Variants in FSTL5 observed in about 807,000 individuals in gnomAD.
FSTL5 encodes follistatin like 5.
FSTL5 carries 62 observed loss-of-function variants against 89.1 expected under a neutral mutation model. The observed-to-expected ratio is 0.70, with a 90% CI of 0.57 to 0.86. The LOEUF (loss-of-function observed/expected upper bound fraction) is 0.86, where lower values mean the gene tolerates loss of function less well. FSTL5 is among the 40% of genes least tolerant of loss of function. The probability of loss-of-function intolerance (pLI) is 0.00; values close to 1 mark genes in which losing one functional copy is unlikely to be tolerated. For missense variants in FSTL5, 1,057 were observed against 1,001.6 expected, an observed-to-expected ratio of 1.06 and a Z score of -0.75; for synonymous variants, 383 against 346.2, an observed-to-expected ratio of 1.11 and a Z score of -1.18.
chr4:161,845,814 G>A (rs377142002), intron 4 of FSTL5, among the ~76,000 whole-genome samples: 5 of 152,184 alleles, frequency 3.3e-5, no homozygotes, highest in African/African-American at 7.2e-5. Flanking sequence ...GGGAGGCCAA[G>A]GTGGGAGGGT....
At chr4:161,948,527 C>T (rs1352944668) in intron 3 of FSTL5, among the ~76,000 whole-genome samples, 1 of 127,560 alleles carries the variant, frequency 7.8e-6, no homozygotes, top group African/African-American at 3.0e-5. Context: ...CACTTTGTCA[C>T]CCAGGCTGGA....
intron 6 of FSTL5, among the ~76,000 whole-genome samples, chr4:161,715,498 A>G (rs906118045): frequency 1.3e-5 from 2 of 152,140 alleles, no homozygotes; most frequent in African/African-American, 4.8e-5. Context: ...ACTTTTAGAC[A>G]GTGGAGAGAA....
chr4:161,794,295 T>C (rs1729562888), intron 4 of FSTL5, among the ~76,000 whole-genome samples: 1 of 152,144 alleles, frequency 6.6e-6, no homozygotes, highest in Admixed American at 6.5e-5. Flanking sequence ...AGACTTTAAA[T>C]ATGTTGACTC....
chr4:161,956,624 T>G, intron 3 of FSTL5, among the ~76,000 whole-genome samples: 1 of 151,920 alleles, frequency 6.6e-6, no homozygotes, highest in Non-Finnish European at 1.5e-5. Flanking sequence ...ATAAATGATT[T>G]TTACAAACAA....
chr4:162,086,627 C>G (rs1403926039), intron 2 of FSTL5, among the ~76,000 whole-genome samples: 2 of 151,776 alleles, frequency 1.3e-5, no homozygotes, highest in Non-Finnish European at 1.5e-5. Flanking sequence ...TAGTTTATTT[C>G]AAGTGTACTT....
intron 15 of FSTL5, among the ~76,000 whole-genome samples, chr4:161,390,471 T>A (rs763873960): frequency 7.9e-5 from 12 of 152,074 alleles, no homozygotes; most frequent in Non-Finnish European, 1.6e-4. Flanking sequence ...GGTCTTCACA[T>A]CCCCAAAAGC....
At chr4:161,459,157 A>T in intron 14 of FSTL5, 55 bp downstream of exon 14, 1 of 1,048,604 alleles carries the variant, frequency 9.5e-7, no homozygotes, top group South Asian at 1.3e-5. Context: ...TATCCAATAA[A>T]ATGTTGAAAG....
intron 1 of FSTL5, among the ~76,000 whole-genome samples, chr4:162,146,190 A>T (rs1280364842): frequency 6.6e-6 from 1 of 152,124 alleles, no homozygotes; most frequent in Non-Finnish European, 1.5e-5. Context: ...TTGAATGGAG[A>T]TATCTATGTA....
At chr4:161,643,731 G>C (rs929478232) in intron 7 of FSTL5, among the ~76,000 whole-genome samples, 3 of 152,132 alleles carry the variant, frequency 2.0e-5, no homozygotes, top group Non-Finnish European at 4.4e-5. Context: ...TGTTATTAAA[G>C]AAATTGAATC....
chr4:161,593,106 T>C (rs561934465), intron 7 of FSTL5, among the ~76,000 whole-genome samples: 1 of 152,294 alleles, frequency 6.6e-6, no homozygotes, highest in South Asian at 2.1e-4. Context: ...TTTTAATGTG[T>C]TGCTCAGTTC....
At chr4:162,060,399 T>C (rs1463081907) in intron 2 of FSTL5, among the ~76,000 whole-genome samples, 1 of 152,114 alleles carries the variant, frequency 6.6e-6, no homozygotes, top group Non-Finnish European at 1.5e-5. Flanking sequence ...TCTAATATAA[T>C]TTTAGAGCAT....
At chr4:162,051,920 TA>T (rs1341964920) in intron 2 of FSTL5, among the ~76,000 whole-genome samples, 11 of 151,104 alleles carry the variant, frequency 7.3e-5, no homozygotes, top group Non-Finnish European at 1.5e-4. Context: ...TGCAAGATAG[TA>T]ACAACATTAG....
chr4:161,725,223 G>C (rs13142469), intron 6 of FSTL5, among the ~76,000 whole-genome samples: 2 of 152,142 alleles, frequency 1.3e-5, no homozygotes, highest in Middle Eastern at 3.4e-3. Context: ...ATTTACTTAA[G>C]TGGCTTGGAA....
At chr4:162,074,444 G>A (rs1195475492) in intron 2 of FSTL5, among the ~76,000 whole-genome samples, 1 of 151,430 alleles carries the variant, frequency 6.6e-6, no homozygotes, top group African/African-American at 2.4e-5. Flanking sequence ...TTCAAAATGG[G>A]ATACCAGTGG....
At chr4:161,576,951 C>A (rs767555975) in intron 8 of FSTL5, among the ~76,000 whole-genome samples, 1 of 152,150 alleles carries the variant, frequency 6.6e-6, no homozygotes, top group South Asian at 2.1e-4. Context: ...ATAGTCTTTT[C>A]TCCATACATA....
At chr4:161,581,106 AG>A (rs995641177) in intron 8 of FSTL5, among the ~76,000 whole-genome samples, 12 of 152,212 alleles carry the variant, frequency 7.9e-5, no homozygotes, top group African/African-American at 2.9e-4. Flanking sequence ...AATATGAAGA[AG>A]GGAAACATAT....
At chr4:161,656,300 T>C in intron 7 of FSTL5, 28 bp downstream of exon 7, 1 of 1,282,190 alleles carries the variant, frequency 7.8e-7, no homozygotes, top group Non-Finnish European at 1.1e-6. Flanking sequence ...ATATATATAT[T>C]ATAAAGCAAC....
chr4:161,555,844 C>A (rs563650985), intron 8 of FSTL5, among the ~76,000 whole-genome samples: 4 of 151,626 alleles, frequency 2.6e-5, no homozygotes, highest in South Asian at 2.1e-4. Flanking sequence ...CAGAGAATGT[C>A]TAAGACTTAA....
intron 7 of FSTL5, among the ~76,000 whole-genome samples, chr4:161,600,120 A>C (rs956016873): frequency 8.6e-5 from 13 of 151,268 alleles, no homozygotes; most frequent in African/African-American, 3.2e-4. Context: ...ATAGCTACAG[A>C]CATCAACATG....
Sources: allele counts gnomAD v4.1 joint callset (sites outside exome capture counted in the v4.1 genomes callset), GRCh38; gene constraint gnomAD v4.1.1; transcripts MANE v1.5; gene names NCBI Gene and HGNC (gene_info 2026-07-23, HGNC 2026-07-21).